CELF2: variants seen among roughly 807,000 people sequenced by gnomAD.
The protein encoded by CELF2 is CUG triplet repeat RNA-binding protein 2.
CELF2 carries 8 observed loss-of-function variants against 62.6 expected under a neutral mutation model. The ratio of observed to expected loss-of-function variants is 0.13; its 90% CI spans 0.07 to 0.23. The LOEUF is 0.23. Among genes scored for constraint, CELF2 ranks in the 10% least tolerant of loss-of-function variants. CELF2 has a pLI of 1.00. For missense variants in CELF2, 333 were observed against 671.0 expected (o/e 0.50, Z 5.56); for synonymous variants, 258 against 250.0 (o/e 1.03, Z -0.30).
Position 11,087,557 on chromosome 10 carries a change from T to C in CELF2, c.74+69394T>C, listed in dbSNP as rs145835570. 1.5e-4 allele frequency among the ~76,000 whole-genome samples: 23 copies of C among 152,374 alleles called. No homozygotes were observed. The East Asian group carries it at 4.4e-3, about 29-fold the overall frequency. The stretch of plus-strand genomic sequence containing the variant: ...TTATCGCACAGCAGCGAGCTGCAGC[T>C]GTCTATCATTTTCTTCTCAAAATGC... On this transcript the variant is annotated intron_variant, in intron 1 of 12. Transcript: ENST00000633077.
intron 1 of CELF2, among the ~76,000 whole-genome samples, chr10:10,867,347 C>G (rs1182946471): frequency 1.3e-5 from 2 of 152,326 alleles, no homozygotes; most frequent in Non-Finnish European, 2.9e-5. Context: ...AGAGATTTCA[C>G]AAGTTACTGA....
At chr10:10,897,460 G>GA (rs368010368) in intron 1 of CELF2, among the ~76,000 whole-genome samples, 4 of 150,834 alleles carry the variant, frequency 2.7e-5, no homozygotes, top group East Asian at 1.9e-4. Context: ...AGAGAGGAAA[G>GA]AAAAAAAAAT....
chr10:11,094,132 C>G (rs1564710678), intron 1 of CELF2, among the ~76,000 whole-genome samples: 1 of 152,142 alleles, frequency 6.6e-6, no homozygotes, highest in East Asian at 1.9e-4. Context: ...TGTATTTGCC[C>G]TGGTGTTTAT....
At chr10:11,077,697 T>C (rs371952160) in intron 1 of CELF2, among the ~76,000 whole-genome samples, 12 of 152,320 alleles carry the variant, frequency 7.9e-5, no homozygotes, top group African/African-American at 2.9e-4. Context: ...CATTGCCCTG[T>C]AAGTGAGATA....
chr10:11,167,569 G>A (rs577131600), intron 2 of CELF2, among the ~76,000 whole-genome samples: 2 of 152,312 alleles, frequency 1.3e-5, no homozygotes, highest in African/African-American at 4.8e-5. Context: ...GTACCTATGT[G>A]TGGCCTAGTT....
intron 2 of CELF2, among the ~76,000 whole-genome samples, chr10:10,955,673 T>C (rs2048811147): frequency 6.6e-6 from 1 of 152,206 alleles, no homozygotes; most frequent in Non-Finnish European, 1.5e-5. Flanking sequence ...GAGCTGGGGC[T>C]GAAATTTAAA....
chr10:11,286,360 G>A (rs1431915143), intron 8 of CELF2, among the ~76,000 whole-genome samples: 1 of 152,206 alleles, frequency 6.6e-6, no homozygotes, highest in African/African-American at 2.4e-5. Context: ...CCCTGTTCTT[G>A]TGTGCTCAGC....
At chr10:10,635,737 G>A in the CELF2 span, among the ~76,000 whole-genome samples, 1 of 152,072 alleles carries the variant, frequency 6.6e-6, no homozygotes, top group Non-Finnish European at 1.5e-5. Context: ...TAAAATAATG[G>A]CTGTGAGGGA....
intron 2 of CELF2, among the ~76,000 whole-genome samples, chr10:10,943,180 CT>C (rs1408465586): frequency 2.0e-5 from 3 of 152,190 alleles, no homozygotes; most frequent in Admixed American, 2.0e-4. Flanking sequence ...TCTCCCATCT[CT>C]CCAACTGATG....
Position 11,242,502 on chromosome 10 carries a change from G to A in CELF2, c.355-6651G>A, listed in dbSNP as rs968813607. Among the ~76,000 whole-genome samples, 2 of 152,230 alleles carry A rather than the reference G, an allele frequency of 1.3e-5. No homozygotes were observed. The highest frequency in any genetic ancestry group is 2.9e-5 in the Non-Finnish European group (2 of 68,030). On this transcript the variant is annotated intron_variant, in intron 3 of 12. Coordinates refer to ENST00000633077, the MANE Select transcript of CELF2 (RefSeq NM_001326342.2). The surrounding 1 kb of genome is among the most constrained non-coding windows in gnomAD (Gnocchi z 4.8). ...GTGTCCATAGTGGCGACTCTGGAGAGTATAGCTGCTGGGTGCAGCTGCTCC... is the reference window on the plus strand; with the variant it reads ...GTGTCCATAGTGGCGACTCTGGAGAATATAGCTGCTGGGTGCAGCTGCTCC...
intron 2 of CELF2, among the ~76,000 whole-genome samples, chr10:10,976,994 ACT>A (rs201055881): frequency 0.015 from 2,208 of 152,190 alleles, 52 homozygotes; most frequent in African/African-American, 0.051. Context: ...CACCTATATG[ACT>A]GTGTCCCAGA....
At chr10:11,087,214 A>G (rs1243766729) in intron 1 of CELF2, among the ~76,000 whole-genome samples, 1 of 152,192 alleles carries the variant, frequency 6.6e-6, no homozygotes, top group African/African-American at 2.4e-5. Flanking sequence ...GACCCCAGGA[A>G]TGCTCTTCAT....
chr10:10,571,931 A>G, the CELF2 span, among the ~76,000 whole-genome samples: 131 of 152,318 alleles, frequency 8.6e-4, no homozygotes, highest in African/African-American at 3.1e-3. Flanking sequence ...GACACAGTCC[A>G]TCAGTCACAG....
intron 1 of CELF2, among the ~76,000 whole-genome samples, chr10:11,112,980 A>G (rs1307068575): frequency 6.6e-6 from 1 of 152,190 alleles, no homozygotes; most frequent in African/African-American, 2.4e-5. Context: ...CTATATCTGA[A>G]GCTTGTGTCC....
chr10:10,678,443 A>G, the CELF2 span, among the ~76,000 whole-genome samples: 2 of 152,134 alleles, frequency 1.3e-5, no homozygotes, highest in Non-Finnish European at 2.9e-5. Context: ...CTGAAAGATG[A>G]TGGTGGTCTT....
intron 9 of CELF2, among the ~76,000 whole-genome samples, chr10:11,303,375 G>A (rs1028981947): frequency 1.3e-5 from 2 of 152,162 alleles, no homozygotes; most frequent in Non-Finnish European, 2.9e-5. Context: ...GAGAAAGGCT[G>A]CAAAATTAGT....
At position 10,995,926 on chromosome 10, in the gene CELF2, A is replaced by G. The variant is rs2053899466; in HGVS notation, c.89+75927A>G. ...ATTGGTTCTGGAATTAAAAATGAAC[A>G]TAAGACTCTTTTGATCTGGGTGCTG... On this transcript the variant is annotated intron_variant, in intron 2 of 13. Coordinates refer to the CELF2 transcript ENST00000636488. The surrounding 1 kb of genome is among the most constrained non-coding windows in gnomAD (Gnocchi z 4.7). 6.6e-6 allele frequency among the ~76,000 whole-genome samples: 1 copy of G among 152,232 alleles called. No individual in the cohort carries two copies. The highest frequency in any genetic ancestry group is 2.4e-5 in the African/African-American group (1 of 41,456).
intron 7 of CELF2, among the ~76,000 whole-genome samples, chr10:11,273,471 C>T: frequency 6.6e-6 from 1 of 152,124 alleles, no homozygotes; most frequent in East Asian, 1.9e-4. Context: ...TCCCCTCAAC[C>T]CCTGGTCTGG....
chr10:11,232,392 CT>C (rs1394970762), intron 3 of CELF2, among the ~76,000 whole-genome samples: 2 of 152,176 alleles, frequency 1.3e-5, no homozygotes, highest in Admixed American at 1.3e-4. Context: ...AACTTTGTCT[CT>C]GAGTCAGATG....
Sources: gnomAD v4.1 joint callset for allele counts (sites outside exome capture counted in the v4.1 genomes callset) on GRCh38, gnomAD v4.1.1 for gene constraint, Gnocchi (gnomAD v3.1) non-coding constraint, MANE v1.5 for transcripts, NCBI Gene and HGNC (gene_info 2026-07-23, HGNC 2026-07-21) for gene names.